Variants in SPMIP2 observed in about 807,000 individuals in gnomAD.
The protein encoded by SPMIP2 is protein SPMIP2.
the SPMIP2 span, among the ~76,000 whole-genome samples, chr4:158,991,212 T>C: frequency 7.4e-6 from 1 of 135,074 alleles, no homozygotes; most frequent in South Asian, 2.5e-4. Flanking sequence ...AAAATGAGTG[T>C]AGACGTGTAT....
chr4:159,072,451 CTTTTTT>C, the SPMIP2 span, among the ~76,000 whole-genome samples: 1 of 69,134 alleles, frequency 1.4e-5, no homozygotes. Context: ...CTTATGAATT[CTTTTTT>C]TTTTTTTTTT....
chr4:158,934,557 C>A, the SPMIP2 span, among the ~76,000 whole-genome samples: 1 of 152,082 alleles, frequency 6.6e-6, no homozygotes, highest in Non-Finnish European at 1.5e-5. Context: ...TGGTATCTGA[C>A]CCATAGTAAA....
At chr4:159,021,057 G>A in the SPMIP2 span, among the ~76,000 whole-genome samples, 6 of 152,204 alleles carry the variant, frequency 3.9e-5, no homozygotes, top group African/African-American at 1.4e-4. Context: ...CACCGCACCC[G>A]GCCTCTGCCG....
At chr4:158,942,044 C>T in the SPMIP2 span, among the ~76,000 whole-genome samples, 1 of 152,198 alleles carries the variant, frequency 6.6e-6, no homozygotes, top group Non-Finnish European at 1.5e-5. Flanking sequence ...TTTGTTCTGC[C>T]ACCCACCATG....
the SPMIP2 span, among the ~76,000 whole-genome samples, chr4:158,991,025 G>T: frequency 6.6e-6 from 1 of 152,140 alleles, no homozygotes; most frequent in East Asian, 1.9e-4. Flanking sequence ...TGATTCTCCT[G>T]TCTCAACCTC....
At chr4:159,028,006 T>C in the SPMIP2 span, among the ~76,000 whole-genome samples, 1 of 152,304 alleles carries the variant, frequency 6.6e-6, no homozygotes, top group South Asian at 2.1e-4. Context: ...AGTAGGTATA[T>C]GATGGCTGAC....
the SPMIP2 span, among the ~76,000 whole-genome samples, chr4:159,010,991 A>G: frequency 2.6e-5 from 4 of 152,138 alleles, no homozygotes; most frequent in South Asian, 8.3e-4. Context: ...TTATATGTTC[A>G]GCAAACATAA....
chr4:159,075,284 C>A, the SPMIP2 span, among the ~76,000 whole-genome samples: 3 of 152,096 alleles, frequency 2.0e-5, no homozygotes, highest in Non-Finnish European at 4.4e-5. Flanking sequence ...ACAGAAACAA[C>A]CATGTAACCG....
the SPMIP2 span, among the ~76,000 whole-genome samples, chr4:159,049,833 G>A: frequency 6.6e-6 from 1 of 152,088 alleles, no homozygotes; most frequent in African/African-American, 2.4e-5. Context: ...AATAGGGTTT[G>A]ACTTCCACAG....
the SPMIP2 span, among the ~76,000 whole-genome samples, chr4:159,040,944 T>C: frequency 1.3e-5 from 2 of 152,212 alleles, no homozygotes; most frequent in Admixed American, 6.5e-5. Flanking sequence ...GGATGTAAAG[T>C]GCTTGCCACA....
At chr4:159,020,773 TG>T in the SPMIP2 span, among the ~76,000 whole-genome samples, 1 of 152,184 alleles carries the variant, frequency 6.6e-6, no homozygotes, top group Admixed American at 6.5e-5. Context: ...TTGTTGTTTT[TG>T]TTGTTGAGAC....
the SPMIP2 span, among the ~76,000 whole-genome samples, chr4:159,041,355 A>C: frequency 6.6e-6 from 1 of 152,230 alleles, no homozygotes; most frequent in Admixed American, 6.5e-5. Flanking sequence ...TGTAATTGCT[A>C]TACTACACAT....
chr4:158,921,881 A>G, the SPMIP2 span, among the ~76,000 whole-genome samples: 1 of 126,870 alleles, frequency 7.9e-6, no homozygotes, highest in Admixed American at 1.0e-4. Context: ...TTCCTTCTAC[A>G]TACTTTTTTT....
At chr4:159,028,353 T>C in the SPMIP2 span, among the ~76,000 whole-genome samples, 8 of 152,176 alleles carry the variant, frequency 5.3e-5, no homozygotes, top group African/African-American at 1.9e-4. Context: ...TCCTTCGAGA[T>C]AGGGCCTTGC....
the SPMIP2 span, among the ~76,000 whole-genome samples, chr4:158,895,498 A>G: frequency 7.2e-5 from 11 of 152,224 alleles, no homozygotes; most frequent in African/African-American, 2.7e-4. Flanking sequence ...TGAAAAAAAT[A>G]CTTGTTTAAA....
At chr4:159,077,929 C>T in the SPMIP2 span, among the ~76,000 whole-genome samples, 1 of 152,078 alleles carries the variant, frequency 6.6e-6, no homozygotes, top group Non-Finnish European at 1.5e-5. Context: ...GTGGCACTTT[C>T]ATTTTCTTTT....
At chr4:159,062,385 T>C in the SPMIP2 span, among the ~76,000 whole-genome samples, 1 of 152,352 alleles carries the variant, frequency 6.6e-6, no homozygotes, top group East Asian at 1.9e-4. Flanking sequence ...CTAGCCATTA[T>C]GATGGAATGG....
At chr4:159,022,757 C>T in the SPMIP2 span, among the ~76,000 whole-genome samples, 9 of 152,160 alleles carry the variant, frequency 5.9e-5, no homozygotes, top group Non-Finnish European at 1.2e-4. Context: ...GTTGGCCGGG[C>T]GCGGTGGCTC....
the SPMIP2 span, among the ~76,000 whole-genome samples, chr4:159,062,215 G>A: frequency 6.6e-6 from 1 of 152,194 alleles, no homozygotes; most frequent in African/African-American, 2.4e-5. Flanking sequence ...CATTATTTTT[G>A]TAGTAGTTAC....
Sources: gnomAD v4.1 joint callset for allele counts (sites outside exome capture counted in the v4.1 genomes callset) on GRCh38, gnomAD v4.1.1 for gene constraint, MANE v1.5 for transcripts, NCBI Gene and HGNC (gene_info 2026-07-23, HGNC 2026-07-21) for gene names.